The following EMP2 variants were observed in gnomAD, a reference collection of about 807,000 sequenced individuals.
EMP2 encodes the protein epithelial membrane protein 2.
A neutral mutation model predicts 13.7 loss-of-function variants in EMP2; 19 were observed. The observed-to-expected ratio is 1.38, with a 90% confidence interval of 0.97 to 2.03. The LOEUF (loss-of-function observed/expected upper bound fraction) is 2.03, where lower values mean the gene tolerates loss of function less well. EMP2 is among the 30% of genes most tolerant of loss of function. The pLI is 0.00. For synonymous variants in EMP2, 97 were observed against 84.7 expected (o/e 1.15, Z -0.80); for missense variants, 253 against 220.7 (o/e 1.15, Z -0.93).
chr16:10,554,035 C>T (rs370239214), intron 1 of EMP2, among the ~76,000 whole-genome samples: 6 of 138,138 alleles, frequency 4.3e-5, no homozygotes, highest in African/African-American at 1.1e-4. Context: ...TTCTTTCTTT[C>T]TTTTTTTTTT....
intron 4 of EMP2, among the ~76,000 whole-genome samples, chr16:10,534,326 T>A (rs912718605): frequency 6.6e-6 from 1 of 152,230 alleles, no homozygotes; most frequent in East Asian, 1.9e-4. Flanking sequence ...GCGGAAGTGC[T>A]TGACGCAGAC....
At chr16:10,555,523 A>G (rs1364948757) in intron 1 of EMP2, among the ~76,000 whole-genome samples, 1 of 152,170 alleles carries the variant, frequency 6.6e-6, no homozygotes, top group Non-Finnish European at 1.5e-5. Context: ...TAACAGAACC[A>G]AAAGGTATAT....
intron 4 of EMP2, among the ~76,000 whole-genome samples, chr16:10,533,391 C>A (rs964545971): frequency 2.0e-5 from 3 of 152,142 alleles, no homozygotes; most frequent in Non-Finnish European, 4.4e-5. Flanking sequence ...AAAATTACAA[C>A]TGATATTTTG....
chr16:10,548,865 ATTTC>A (rs1423251079), intron 1 of EMP2, among the ~76,000 whole-genome samples: 1 of 152,194 alleles, frequency 6.6e-6, no homozygotes, highest in Non-Finnish European at 1.5e-5. Flanking sequence ...GGAAGACTAT[ATTTC>A]CTGGACTCCC....
At chr16:10,535,346 T>TAC (rs2142168109) in intron 4 of EMP2, among the ~76,000 whole-genome samples, 1 of 152,218 alleles carries the variant, frequency 6.6e-6, no homozygotes, top group African/African-American at 2.4e-5. Context: ...TGTGAAAATT[T>TAC]ATATATATAA....
chr16:10,565,031 G>T (rs2050897849), intron 1 of EMP2, among the ~76,000 whole-genome samples: 1 of 152,186 alleles, frequency 6.6e-6, no homozygotes, highest in South Asian at 2.1e-4. Flanking sequence ...AGCTCTTGCT[G>T]CTCAAAAGCT....
chr16:10,539,101 G>C lies in EMP2; in HGVS notation c.170-1027C>G, dbSNP rs138739631. On this transcript the variant is annotated intron_variant, in intron 3 of 4. Transcript: ENST00000359543. The stretch of plus-strand genomic sequence containing the variant: ...AGGTAGAGTAAACTCATCTACATAA[G>C]GGGGTTTGGAGGGTGCAGGCAAGGT... 6.7e-3 allele frequency among the ~76,000 whole-genome samples: 1,014 copies of C among 152,236 alleles called. 4 individuals carry two copies. Among genetic ancestry groups the C allele is most frequent in the Middle Eastern group, 0.061 (18 of 294 alleles).
At position 10,567,184 on chromosome 16, in the gene EMP2, G is replaced by A. The variant is rs117177795; in HGVS notation, c.-61+13365C>T. Among the ~76,000 whole-genome samples, 49 of 152,256 alleles carry A rather than the reference G, an allele frequency of 3.2e-4. No individual in the cohort carries two copies. The East Asian group carries it at 5.4e-3, about 17-fold the overall frequency. On this transcript the variant is annotated intron_variant, in intron 1 of 4. Coordinates refer to ENST00000359543, the MANE Select transcript of EMP2 (RefSeq NM_001424.6). ...GCTGTCTGGAATGGAAGCTCCCAGC[G>A]GGCAGGGATTTATGTCGGTCTCATC...
At chr16:10,577,760 G>A (rs1438811403) in intron 1 of EMP2, among the ~76,000 whole-genome samples, 2 of 152,004 alleles carry the variant, frequency 1.3e-5, no homozygotes, top group Non-Finnish European at 2.9e-5. Context: ...TCTCTCCTCT[G>A]GGAGAGATCT....
At chr16:10,542,798 G>A (rs542882865) in intron 3 of EMP2, among the ~76,000 whole-genome samples, 1 of 152,184 alleles carries the variant, frequency 6.6e-6, no homozygotes, top group Non-Finnish European at 1.5e-5. Flanking sequence ...AAATTGACAT[G>A]CCCAATGCAA....
At chr16:10,538,682 G>C (rs2050669880) in intron 3 of EMP2, among the ~76,000 whole-genome samples, 1 of 152,168 alleles carries the variant, frequency 6.6e-6, no homozygotes, top group Admixed American at 6.5e-5. Context: ...GGAGAAGGGA[G>C]GCCTAGGGTG....
chr16:10,547,260 G>A, intron 2 of EMP2: 1 of 338,882 alleles, frequency 3.0e-6, no homozygotes, highest in East Asian at 5.7e-5. Context: ...TCTTGTGGTA[G>A]TGAATAAGTC....
intron 3 of EMP2, among the ~76,000 whole-genome samples, chr16:10,542,140 T>C (rs1444976293): frequency 2.0e-5 from 3 of 152,102 alleles, no homozygotes; most frequent in Admixed American, 6.5e-5. Flanking sequence ...AGAGGCATGG[T>C]GGCTCCTCCT....
chr16:10,541,994 G>A (rs984864086), intron 3 of EMP2, among the ~76,000 whole-genome samples: 1 of 152,164 alleles, frequency 6.6e-6, no homozygotes, highest in African/African-American at 2.4e-5. Flanking sequence ...ACTGAGTGTG[G>A]TGAGAATCTG....
chr16:10,535,473 G>A (rs1056261003), intron 4 of EMP2, among the ~76,000 whole-genome samples: 9 of 152,132 alleles, frequency 5.9e-5, no homozygotes. Flanking sequence ...GGTGGCTCAT[G>A]CTCGGAATCC....
chr16:10,566,438 T>A (rs2050907217), intron 1 of EMP2, among the ~76,000 whole-genome samples: 1 of 151,962 alleles, frequency 6.6e-6, no homozygotes, highest in Non-Finnish European at 1.5e-5. Flanking sequence ...GAAACTAGAG[T>A]TAAAGAGGCA....
chr16:10,534,107 TC>T (rs954545039), intron 4 of EMP2, among the ~76,000 whole-genome samples: 15 of 150,214 alleles, frequency 1.0e-4, no homozygotes, highest in Non-Finnish European at 1.8e-4. Flanking sequence ...AGCAAAAACT[TC>T]CTCTCAAAAA....
intron 3 of EMP2, among the ~76,000 whole-genome samples, chr16:10,541,728 G>A (rs1382530260): frequency 6.6e-6 from 1 of 152,086 alleles, no homozygotes; most frequent in Non-Finnish European, 1.5e-5. Flanking sequence ...GTGGTTAAGG[G>A]TACTGGCTTT....
intron 2 of EMP2, chr16:10,547,276 A>G (rs1309265947): frequency 1.0e-5 from 4 of 397,420 alleles, no homozygotes; most frequent in African/African-American, 8.1e-5. Flanking sequence ...AAGTCTCACG[A>G]GATCTGACGG....
Sources: gnomAD v4.1 joint callset for allele counts (sites outside exome capture counted in the v4.1 genomes callset) on GRCh38, gnomAD v4.1.1 for gene constraint, MANE v1.5 for transcripts, NCBI Gene and HGNC (gene_info 2026-07-23, HGNC 2026-07-21) for gene names.